RTN4RL1: variants seen among roughly 807,000 people sequenced by gnomAD.
RTN4RL1 encodes reticulon-4 receptor-like 1.
Under a neutral mutation model 25.6 loss-of-function variants are expected in RTN4RL1, and 7 were observed. The observed-to-expected ratio is 0.27, with a 90% CI of 0.16 to 0.51. RTN4RL1 has a LOEUF of 0.51. Among genes scored for constraint, RTN4RL1 ranks in the 20% least tolerant of loss-of-function variants. The pLI, the probability that RTN4RL1 is intolerant of heterozygous loss-of-function variation, is 0.97. For synonymous variants in RTN4RL1, 297 were observed against 288.2 expected (o/e 1.03, Z -0.31); for missense variants, 500 against 615.6 (o/e 0.81, Z 1.99).
chr17:1,946,892 A>C (rs1285378501), intron 1 of RTN4RL1, among the ~76,000 whole-genome samples: 1 of 106,584 alleles, frequency 9.4e-6, no homozygotes, highest in Non-Finnish European at 1.8e-5. Flanking sequence ...CTGTGTGTGC[A>C]CGTGTGTCTG....
At chr17:1,946,968 T>C (rs1245348147) in intron 1 of RTN4RL1, among the ~76,000 whole-genome samples, 1 of 121,932 alleles carries the variant, frequency 8.2e-6, no homozygotes, top group East Asian at 2.1e-4. Flanking sequence ...TGTGTGCGTC[T>C]CTGTGTGAAT....
In RTN4RL1 at chr17:1,994,874, G is replaced by A. The variant is rs2066922833; in HGVS notation, c.13+29979C>T. The stretch of plus-strand genomic sequence containing the variant: ...GTACTTTGGGAAGCCGAGGTGGGAG[G>A]ACTGCTTGAAGCCAGGAGTTCAAGA... On this transcript the variant is annotated intron_variant, in intron 1 of 1. Transcript: ENST00000331238. The surrounding 1 kb of genome is among the most constrained non-coding windows in gnomAD (Gnocchi z 4.3). Among the ~76,000 whole-genome samples, 1 of 151,766 alleles carries A rather than the reference G, an allele frequency of 6.6e-6. No individual in the cohort carries two copies. The highest frequency in any genetic ancestry group is 2.1e-4 in the South Asian group (1 of 4,812).
At chr17:2,007,334 C>A (rs879597011) in intron 1 of RTN4RL1, among the ~76,000 whole-genome samples, 1,682 of 73,522 alleles carry the variant, frequency 0.023, 50 homozygotes, top group Admixed American at 0.15. Flanking sequence ...TGTTCACAGC[C>A]CCAACACACA....
At chr17:1,940,557 AG>A (rs991327200) in intron 1 of RTN4RL1, among the ~76,000 whole-genome samples, 25 of 152,142 alleles carry the variant, frequency 1.6e-4, no homozygotes, top group African/African-American at 5.8e-4. Context: ...CCCAGCCTGC[AG>A]GGGGAGGCAG....
In RTN4RL1 at chr17:2,002,593, GTCTT is replaced by G. The variant is rs1177553583; in HGVS notation, c.13+22256_13+22259del. 1.6e-4 allele frequency among the ~76,000 whole-genome samples: 24 copies of G among 150,610 alleles called. 1 individual carries two copies. The highest frequency in any genetic ancestry group is 3.6e-3 in the Middle Eastern group (1 of 276). On this transcript the variant is annotated intron_variant, in intron 1 of 1. Coordinates refer to ENST00000331238, the MANE Select transcript of RTN4RL1 (RefSeq NM_178568.4). Reference sequence around the variant, plus strand: ...AGGCGTGAGCCACCGCGCCCGGCCTGTCTTTCTTTATTTCCTCTCTCTGTCTCTT... The same window carrying G: ...AGGCGTGAGCCACCGCGCCCGGCCTGTCTTTATTTCCTCTCTCTGTCTCTT...
At chr17:1,942,658 G>A (rs1325753842) in intron 1 of RTN4RL1, among the ~76,000 whole-genome samples, 1 of 152,196 alleles carries the variant, frequency 6.6e-6, no homozygotes, top group Admixed American at 6.5e-5. Context: ...GAGCTGTGTT[G>A]TGTTCAGGTC....
chr17:1,935,899 A>G lies in RTN4RL1; in HGVS notation c.*597T>C, dbSNP rs2151303092. Reference sequence around the variant, plus strand: ...TTGGTTCTTGGACCCCAGCAGTTGGACCTGGGTCTGCCAGGGTTGCCTGAG... The same window carrying G: ...TTGGTTCTTGGACCCCAGCAGTTGGGCCTGGGTCTGCCAGGGTTGCCTGAG... On this transcript the variant is annotated 3_prime_UTR_variant, in exon 2 of 2. Coordinates refer to ENST00000331238, the MANE Select transcript of RTN4RL1 (RefSeq NM_178568.4). The G allele has an allele frequency of 1.0e-6, 1 of 985,466 alleles. No individual in the cohort carries two copies. The highest frequency in any genetic ancestry group is 1.2e-6 in the Non-Finnish European group (1 of 829,898). The allele number at this position is 985,466 out of a possible 1,614,324, so 61.0% of individuals were successfully genotyped here.
chr17:1,979,877 C>G, intron 1 of RTN4RL1, among the ~76,000 whole-genome samples: 1 of 152,256 alleles, frequency 6.6e-6, no homozygotes, highest in African/African-American at 2.4e-5. Context: ...TGCTCAGACC[C>G]GGAATTGCGT....
chr17:1,943,451 C>T (rs975506400), intron 1 of RTN4RL1, among the ~76,000 whole-genome samples: 7 of 152,250 alleles, frequency 4.6e-5, no homozygotes, highest in African/African-American at 9.6e-5. Flanking sequence ...CTGGTATCCC[C>T]GCAGCCCCCT....
intron 1 of RTN4RL1, among the ~76,000 whole-genome samples, chr17:1,970,354 G>A (rs531502847): frequency 1.3e-5 from 2 of 152,202 alleles, no homozygotes; most frequent in South Asian, 2.1e-4. Context: ...CTCTGTGCAC[G>A]ATCTCTCCAG....
At chr17:1,948,581 GGACACAGGCGGACGGGCA>G (rs1344124925) in intron 1 of RTN4RL1, among the ~76,000 whole-genome samples, 2 of 152,086 alleles carry the variant, frequency 1.3e-5, no homozygotes, top group Admixed American at 1.3e-4. Flanking sequence ...GCAGACAGGC[GGACACAGGCGGACGGGCA>G]GACACAGGTG....
chr17:1,935,127 G>C lies in RTN4RL1; in HGVS notation c.*1369C>G, dbSNP rs1915268885. ...AAAATTCAGCAGCTGAGCCGTGCGG[G>C]AGGCCTGGGCTCAAGCCCGGAGTCT... is the stretch of plus-strand genomic sequence containing the variant. On this transcript the variant is annotated 3_prime_UTR_variant, in exon 2 of 2. Transcript: ENST00000331238. 6.5e-6 allele frequency: 1 copy of C among 152,782 alleles called. No homozygotes were observed. Among genetic ancestry groups the C allele is most frequent in the Admixed American group, 6.5e-5 (1 of 15,290 alleles). The allele number at this position is 152,782 out of a possible 1,614,324, so 9.5% of individuals were successfully genotyped here.
In RTN4RL1 at chr17:2,024,991, C is replaced by A. The variant is rs2151333933; in HGVS notation, c.-126G>T. ...TCGAGGCGGGGGCAAGCCGGGGATCCGCTCGTGCCCGGTGGCCCGGCCCCG... is the reference window on the plus strand; with the variant it reads ...TCGAGGCGGGGGCAAGCCGGGGATCAGCTCGTGCCCGGTGGCCCGGCCCCG... On this transcript the variant is annotated 5_prime_UTR_variant, in exon 1 of 2. Coordinates refer to ENST00000331238, the MANE Select transcript of RTN4RL1 (RefSeq NM_178568.4). 6 of 1,042,856 alleles carry A rather than the reference C, an allele frequency of 5.8e-6. No homozygotes were observed. The highest frequency in any genetic ancestry group is 3.0e-5 in the East Asian group (1 of 33,490). The allele number at this position is 1,042,856 out of a possible 1,614,324, so 64.6% of individuals were successfully genotyped here. A position where few individuals can be genotyped will look rare whatever the true frequency, so the allele number is the denominator to read the frequency against.
At chr17:1,967,937 G>A (rs1401822005) in intron 1 of RTN4RL1, among the ~76,000 whole-genome samples, 2 of 152,074 alleles carry the variant, frequency 1.3e-5, no homozygotes, top group African/African-American at 2.4e-5. Flanking sequence ...CATCGGGCCC[G>A]GCCTCCAGTC....
intron 1 of RTN4RL1, among the ~76,000 whole-genome samples, chr17:1,975,587 G>T (rs1188189888): frequency 6.6e-6 from 1 of 152,142 alleles, no homozygotes; most frequent in Admixed American, 6.6e-5. Flanking sequence ...GGAGGTGGAG[G>T]TTGCAGTGAG....
chr17:2,011,437 T>G (rs2067048570), intron 1 of RTN4RL1, among the ~76,000 whole-genome samples: 1 of 152,104 alleles, frequency 6.6e-6, no homozygotes, highest in Admixed American at 6.6e-5. Context: ...GGCTCTTCCT[T>G]CTGGGAAAGC....
rs543001660 is a variant in RTN4RL1, at chr17:1,995,785, T to C, written c.13+29068A>G. ...GGTCTAATGTGCAACTGGTGAGAGATGGCCTATGTGCCGAGCAACCCATGC... is the reference window on the plus strand; with the variant it reads ...GGTCTAATGTGCAACTGGTGAGAGACGGCCTATGTGCCGAGCAACCCATGC... On this transcript the variant is annotated intron_variant, in intron 1 of 1. Coordinates refer to ENST00000331238, the MANE Select transcript of RTN4RL1 (RefSeq NM_178568.4). 9 of 152,400 alleles carry C rather than the reference T, an allele frequency of 5.9e-5. No individual in the cohort carries two copies. The East Asian group carries it at 1.5e-3, about 26-fold the overall frequency. The allele number at this position is 152,400 out of a possible 1,614,324, so 9.4% of individuals were successfully genotyped here. A position where few individuals can be genotyped will look rare whatever the true frequency, so the allele number is the denominator to read the frequency against.
intron 1 of RTN4RL1, among the ~76,000 whole-genome samples, chr17:1,946,198 C>T (rs1008075996): frequency 3.3e-5 from 5 of 152,164 alleles, no homozygotes; most frequent in Admixed American, 2.0e-4. Context: ...CAGGACAGTC[C>T]CAAACAAACC....
At chr17:1,969,418 C>T (rs922894696) in intron 1 of RTN4RL1, among the ~76,000 whole-genome samples, 3 of 152,046 alleles carry the variant, frequency 2.0e-5, no homozygotes, top group African/African-American at 7.2e-5. Context: ...AACAGTCTGC[C>T]CAGAACAGCT....
Sources: gnomAD v4.1 joint callset for allele counts (sites outside exome capture counted in the v4.1 genomes callset) on GRCh38, gnomAD v4.1.1 for gene constraint, Gnocchi (gnomAD v3.1) non-coding constraint, MANE v1.5 for transcripts, NCBI Gene and HGNC (gene_info 2026-07-23, HGNC 2026-07-21) for gene names.